DLGAP2: variants seen among roughly 807,000 people sequenced by gnomAD.
DLGAP2 encodes the protein disks large-associated protein 2.
A neutral mutation model predicts 100.3 loss-of-function variants in DLGAP2; 26 were observed. That is an observed-to-expected ratio of 0.26 (90% CI 0.19 to 0.36). The LOEUF (loss-of-function observed/expected upper bound fraction) is 0.36, where lower values mean the gene tolerates loss of function less well. DLGAP2 is among the 10% of genes least tolerant of loss of function. The probability of loss-of-function intolerance (pLI) is 1.00; values close to 1 mark genes in which losing one functional copy is unlikely to be tolerated. For synonymous variants in DLGAP2, 886 were observed against 630.1 expected, an observed-to-expected ratio of 1.41 and a Z score of -6.08; for missense variants, 1,858 against 1,453.2, an observed-to-expected ratio of 1.28 and a Z score of -4.53.
chr8:751,246 C>G (rs1156697389), intron 1 of DLGAP2, among the ~76,000 whole-genome samples: 1 of 79,842 alleles, frequency 1.3e-5, no homozygotes, highest in East Asian at 4.9e-4. Flanking sequence ...CGGGAAGGAG[C>G]ATTTTCCTGG....
intron 6 of DLGAP2, among the ~76,000 whole-genome samples, chr8:1,588,177 G>T (rs532001594): frequency 6.6e-6 from 1 of 152,228 alleles, no homozygotes; most frequent in Non-Finnish European, 1.5e-5. Context: ...AGCACGGATA[G>T]TTCAGCTAAA....
At chr8:910,795 G>A (rs1029586400) in intron 2 of DLGAP2, among the ~76,000 whole-genome samples, 1 of 152,094 alleles carries the variant, frequency 6.6e-6, no homozygotes, top group Non-Finnish European at 1.5e-5. Context: ...TACTAGGATT[G>A]GTGTCCTTGC....
At chr8:1,628,821 C>T (rs893768527) in intron 7 of DLGAP2, among the ~76,000 whole-genome samples, 34 of 152,190 alleles carry the variant, frequency 2.2e-4, no homozygotes, top group African/African-American at 7.2e-4. Flanking sequence ...CTCACATTCT[C>T]TCTGACTTAC....
chr8:1,047,817 G>A (rs554770326), intron 2 of DLGAP2, among the ~76,000 whole-genome samples: 10 of 152,162 alleles, frequency 6.6e-5, no homozygotes, highest in African/African-American at 1.4e-4. Flanking sequence ...TTGGAGGTTC[G>A]GTTTCATCAT....
At chr8:770,330 C>T (rs1360158679) in intron 1 of DLGAP2, among the ~76,000 whole-genome samples, 4 of 152,122 alleles carry the variant, frequency 2.6e-5, no homozygotes, top group South Asian at 4.1e-4. Flanking sequence ...GTGTCCTCCG[C>T]CTCCCACCCT....
intron 4 of DLGAP2, among the ~76,000 whole-genome samples, chr8:1,532,157 G>C (rs888065973): frequency 4.6e-5 from 7 of 152,150 alleles, no homozygotes; most frequent in Non-Finnish European, 8.8e-5. Flanking sequence ...GTGGGAGGCA[G>C]GTTTGCCCTG....
chr8:829,071 G>C (rs1160479594), intron 1 of DLGAP2, among the ~76,000 whole-genome samples: 1 of 152,112 alleles, frequency 6.6e-6, no homozygotes, highest in African/African-American at 2.4e-5. Context: ...AAACCCATGA[G>C]TCCAATTTGG....
intron 2 of DLGAP2, among the ~76,000 whole-genome samples, chr8:997,918 ATGCACACACACCCATG>A (rs1800829287): frequency 6.6e-6 from 1 of 152,014 alleles, no homozygotes; most frequent in African/African-American, 2.4e-5. Context: ...GCATACAAAC[ATGCACACACACCCATG>A]CATACAGACA....
At chr8:1,283,103 C>T (rs1053971545) in intron 3 of DLGAP2, among the ~76,000 whole-genome samples, 24 of 150,938 alleles carry the variant, frequency 1.6e-4, no homozygotes, top group East Asian at 1.4e-3. Flanking sequence ...GACCTGAACC[C>T]AGCGCCCTGA....
chr8:1,663,876 T>C (rs774858749), intron 8 of DLGAP2, among the ~76,000 whole-genome samples: 16 of 152,232 alleles, frequency 1.1e-4, no homozygotes, highest in South Asian at 6.2e-4. Context: ...AGAAGGTAAA[T>C]AGTTTGAGGA....
At chr8:802,622 C>T (rs1446127914) in intron 1 of DLGAP2, among the ~76,000 whole-genome samples, 2 of 152,128 alleles carry the variant, frequency 1.3e-5, no homozygotes, top group Admixed American at 1.3e-4. Flanking sequence ...ACCCACAGCC[C>T]CCGAGAGGCT....
chr8:1,198,081 C>T (rs1461908687), intron 2 of DLGAP2, among the ~76,000 whole-genome samples: 3 of 151,896 alleles, frequency 2.0e-5, no homozygotes, highest in Non-Finnish European at 4.4e-5. Context: ...TGGACTGTTA[C>T]CTGTGTGGTT....
chr8:824,216 A>G (rs933495602), intron 1 of DLGAP2, among the ~76,000 whole-genome samples: 1 of 151,832 alleles, frequency 6.6e-6, no homozygotes, highest in Admixed American at 6.6e-5. Flanking sequence ...CTGGGCCTAT[A>G]AGTACTTGCC....
At chr8:1,157,947 G>C (rs1008845247) in intron 2 of DLGAP2, among the ~76,000 whole-genome samples, 1 of 152,200 alleles carries the variant, frequency 6.6e-6, no homozygotes, top group Non-Finnish European at 1.5e-5. Flanking sequence ...ACTGTTCACT[G>C]TGCCTTCAAG....
intron 1 of DLGAP2, among the ~76,000 whole-genome samples, chr8:807,871 G>T (rs572627313): frequency 1.3e-5 from 2 of 152,306 alleles, no homozygotes; most frequent in Admixed American, 6.5e-5. Flanking sequence ...GGATGGGGAG[G>T]AGTAAATCAC....
chr8:1,294,258 T>G (rs1488705249), intron 3 of DLGAP2, among the ~76,000 whole-genome samples: 3 of 152,206 alleles, frequency 2.0e-5, no homozygotes, highest in Non-Finnish European at 4.4e-5. Context: ...TTTAATTGTC[T>G]TGATCACATT....
chr8:1,677,740 T>TA (rs1268872522), intron 11 of DLGAP2, among the ~76,000 whole-genome samples: 2 of 152,234 alleles, frequency 1.3e-5, no homozygotes, highest in Non-Finnish European at 2.9e-5. Context: ...TTATTTTGCA[T>TA]ACAGGGGTTA....
At chr8:1,299,602 G>A (rs1356257027) in intron 3 of DLGAP2, among the ~76,000 whole-genome samples, 1 of 152,086 alleles carries the variant, frequency 6.6e-6, no homozygotes, top group Non-Finnish European at 1.5e-5. Context: ...GTTCCTGCTG[G>A]GATATTCATT....
intron 2 of DLGAP2, among the ~76,000 whole-genome samples, chr8:1,052,529 G>C (rs763735308): frequency 3.3e-5 from 5 of 152,216 alleles, no homozygotes; most frequent in Non-Finnish European, 7.3e-5. Flanking sequence ...TCCAGGCATT[G>C]TGTAGGAGGA....
Sources: gnomAD v4.1 joint callset for allele counts (sites outside exome capture counted in the v4.1 genomes callset) on GRCh38, gnomAD v4.1.1 for gene constraint, MANE v1.5 for transcripts, NCBI Gene and HGNC (gene_info 2026-07-23, HGNC 2026-07-21) for gene names.